Variants in SGCD observed in about 807,000 individuals in gnomAD.
The protein encoded by SGCD is delta-sarcoglycan.
Under a neutral mutation model 36.6 loss-of-function variants are expected in SGCD, and 18 were observed. The observed-to-expected ratio is 0.49, with a 90% CI of 0.34 to 0.73. The LOEUF is 0.73. SGCD is among the 30% of genes least tolerant of loss of function. The probability of loss-of-function intolerance (pLI) is 0.01; values close to 1 mark genes in which losing one functional copy is unlikely to be tolerated. For synonymous variants in SGCD, 133 were observed against 130.6 expected (o/e 1.02, Z -0.12); for missense variants, 387 against 346.7 (o/e 1.12, Z -0.92).
At position 156,759,247 on chromosome 5, in the gene SGCD, C is replaced by G; in HGVS notation, c.730C>G (p.Pro244Ala). Residue 244 changes from proline to alanine, a missense_variant, in exon 9 of 9, where the codon CCT becomes GCT. By Grantham distance (27) the Pro-to-Ala change is conservative. Transcript: ENST00000337851. Reference protein sequence around the residue: ...IKLDAAKIRLPRLPHGSYTPT... With the variant: ...IKLDAAKIRLARLPHGSYTPT... ...GTTAGATGCTGCGAAAATCAGGCTA[C>G]CTAGACTGCCTCATGGATCCTACAC... 1 of 1,613,836 alleles carries G rather than the reference C, an allele frequency of 6.2e-7. No individual in the cohort carries two copies. The highest frequency in any genetic ancestry group is 1.1e-5 in the South Asian group (1 of 91,082).
At chr5:155,869,086 G>A (rs1755580736), upstream of SGCD, among the ~76,000 whole-genome samples, 1 of 152,188 alleles carries the variant, frequency 6.6e-6, no homozygotes, top group Admixed American at 6.5e-5. Context: ...GGCTTCAGAT[G>A]TCAATAATTA....
intron 1 of SGCD, among the ~76,000 whole-genome samples, chr5:155,910,179 C>T (rs923221781): frequency 4.0e-5 from 6 of 151,892 alleles, no homozygotes; most frequent in African/African-American, 1.5e-4. Flanking sequence ...ACCTTCCCAG[C>T]CCCCTCCCCA....
At chr5:156,428,501 A>G (rs182801643) in intron 3 of SGCD, among the ~76,000 whole-genome samples, 10 of 151,814 alleles carry the variant, frequency 6.6e-5, no homozygotes, top group Admixed American at 2.6e-4. Context: ...TTTTAATTTC[A>G]TTGATATTTT....
intron 3 of SGCD, among the ~76,000 whole-genome samples, chr5:156,185,336 T>A (rs1270612349): frequency 2.0e-5 from 3 of 148,896 alleles, no homozygotes; most frequent in Non-Finnish European, 4.5e-5. Flanking sequence ...TGTCTCAGCC[T>A]CCCGAGTAGC....
chr5:156,045,443 T>C (rs1434278037), intron 1 of SGCD, among the ~76,000 whole-genome samples: 2 of 152,182 alleles, frequency 1.3e-5, no homozygotes, highest in Non-Finnish European at 2.9e-5. Flanking sequence ...TGCCAATTAA[T>C]TCAGAAATGT....
At chr5:156,277,192 G>A (rs149235106) in intron 3 of SGCD, among the ~76,000 whole-genome samples, 21 of 152,200 alleles carry the variant, frequency 1.4e-4, no homozygotes, top group Non-Finnish European at 4.4e-5. Flanking sequence ...TGCCAGGCAA[G>A]CCTTACCTGT....
intron 7 of SGCD, among the ~76,000 whole-genome samples, chr5:156,702,977 C>G (rs1754585259): frequency 6.6e-6 from 1 of 152,192 alleles, no homozygotes; most frequent in African/African-American, 2.4e-5. Context: ...TTTGGTCTCC[C>G]TAAGCTCTGG....
Position 156,532,268 on chromosome 5 carries a change from T to C in SGCD, c.294+23566T>C, listed in dbSNP as rs575167319. Among the ~76,000 whole-genome samples the C allele has an allele frequency of 3.7e-4, 56 of 152,314 alleles. 1 individual carries two copies. Among genetic ancestry groups the C allele is most frequent in the Middle Eastern group, 6.8e-3 (2 of 294 alleles). On this transcript the variant is annotated intron_variant, in intron 4 of 8. Coordinates refer to ENST00000337851, the MANE Select transcript of SGCD (RefSeq NM_000337.6). ...TTCTAATATTGAATATCTGTAACTT[T>C]AATACATATTAAAATATCTGCTGTT...
intron 3 of SGCD, among the ~76,000 whole-genome samples, chr5:156,347,694 T>C (rs1292243244): frequency 2.6e-5 from 4 of 152,174 alleles, no homozygotes; most frequent in Non-Finnish European, 4.4e-5. Context: ...GTAGAACCTG[T>C]AAGATTTAGG....
chr5:155,894,778 T>A (rs183903293), intron 1 of SGCD, among the ~76,000 whole-genome samples: 6 of 152,286 alleles, frequency 3.9e-5, no homozygotes, highest in Admixed American at 1.3e-4. Flanking sequence ...ACCATCAAGT[T>A]GCAGGAAAAC....
intron 1 of SGCD, among the ~76,000 whole-genome samples, chr5:156,015,715 G>A (rs914689870): frequency 7.3e-5 from 11 of 150,944 alleles, no homozygotes; most frequent in East Asian, 1.9e-4. Context: ...TATGAATGAC[G>A]TGTATAATAT....
At chr5:156,239,974 C>G (rs1419323417) in intron 3 of SGCD, among the ~76,000 whole-genome samples, 1 of 152,180 alleles carries the variant, frequency 6.6e-6, no homozygotes, top group African/African-American at 2.4e-5. Context: ...ATTGTAATTT[C>G]AAAAGGGTCA....
At chr5:156,359,834 G>A (rs781240138) in intron 3 of SGCD, among the ~76,000 whole-genome samples, 16 of 152,134 alleles carry the variant, frequency 1.1e-4, no homozygotes, top group South Asian at 4.1e-4. Context: ...TTTTCTCTTT[G>A]TGTTTTCTAA....
chr5:156,248,980 G>T (rs1028189328), intron 3 of SGCD, among the ~76,000 whole-genome samples: 2 of 152,210 alleles, frequency 1.3e-5, no homozygotes, highest in East Asian at 3.8e-4. Flanking sequence ...AGGAGACTGG[G>T]TTTGGAGAAG....
chr5:156,414,869 C>A (rs1468445045), intron 3 of SGCD, among the ~76,000 whole-genome samples: 1 of 152,170 alleles, frequency 6.6e-6, no homozygotes, highest in Non-Finnish European at 1.5e-5. Context: ...TGCTTTTATA[C>A]TGAGCAAAAA....
At chr5:156,029,823 A>C (rs1759304277) in intron 1 of SGCD, among the ~76,000 whole-genome samples, 2 of 152,230 alleles carry the variant, frequency 1.3e-5, no homozygotes, top group South Asian at 2.1e-4. Context: ...TAATTTTTTA[A>C]AAAAATTTGT....
chr5:155,910,594 AC>A (rs534331278), intron 1 of SGCD, among the ~76,000 whole-genome samples: 1 of 152,142 alleles, frequency 6.6e-6, no homozygotes, highest in South Asian at 2.1e-4. Context: ...ATGAAAAAGC[AC>A]AATACTAGAA....
intron 3 of SGCD, among the ~76,000 whole-genome samples, chr5:156,241,524 G>T (rs1471761160): frequency 6.6e-6 from 1 of 152,124 alleles, no homozygotes; most frequent in Non-Finnish European, 1.5e-5. Flanking sequence ...GGAGAAAGCA[G>T]CTAGGATAGG....
At chr5:156,165,325 T>C (rs1581140768) in intron 3 of SGCD, among the ~76,000 whole-genome samples, 1 of 152,098 alleles carries the variant, frequency 6.6e-6, no homozygotes, top group East Asian at 1.9e-4. Flanking sequence ...TGCTACTCAA[T>C]GTTGTGTGAA....
Sources: gnomAD v4.1 joint callset for allele counts (sites outside exome capture counted in the v4.1 genomes callset) on GRCh38, gnomAD v4.1.1 for gene constraint, MANE v1.5 for transcripts, NCBI Gene and HGNC (gene_info 2026-07-23, HGNC 2026-07-21) for gene names.